Variants in ATRX observed in about 807,000 individuals in gnomAD.
The protein encoded by ATRX is ATRX chromatin remodeler.
Under a neutral mutation model 172.6 loss-of-function variants are expected in ATRX, and 12 were observed. That is an observed-to-expected ratio of 0.07 (90% CI 0.04 to 0.11). The LOEUF is 0.11. Ranked by LOEUF, ATRX falls within the 10% of genes least tolerant of loss-of-function variation. ATRX has a pLI of 1.00. For missense variants in ATRX, 1,368 were observed against 1,767.4 expected (o/e 0.77, Z 4.05); for synonymous variants, 674 against 594.7 (o/e 1.13, Z -1.94).
chrX:77,697,174 T>C (rs1250624780), intron 4 of ATRX, among the ~76,000 whole-genome samples: 1 of 111,748 alleles, frequency 8.9e-6, no homozygotes, highest in Non-Finnish European at 1.9e-5. Flanking sequence ...TTTACCACTC[T>C]TTTTTCTCCT....
chrX:77,641,299 C>T (rs1048788764), intron 15 of ATRX, among the ~76,000 whole-genome samples: 3 of 110,484 alleles, frequency 2.7e-5, no homozygotes, highest in Admixed American at 9.6e-5. Flanking sequence ...CCAAATAGGC[C>T]GGGTGTGGTG....
At chrX:77,741,037 TACACACACACACAC>T (rs111437851) in intron 1 of ATRX, among the ~76,000 whole-genome samples, 1 of 99,229 alleles carries the variant, frequency 1.0e-5, no homozygotes, top group African/African-American at 3.6e-5. Flanking sequence ...ACCCTGTCTC[TACACACACACACAC>T]ACACACACAC....
chrX:77,572,093 CTGTT>C (rs1423801472), intron 28 of ATRX, among the ~76,000 whole-genome samples: 3 of 110,635 alleles, frequency 2.7e-5, no homozygotes, highest in Non-Finnish European at 5.7e-5. Context: ...GTTTCATTTT[CTGTT>C]TGTTTGTGCA....
At chrX:77,677,699 A>G (rs2070964590) in intron 9 of ATRX, among the ~76,000 whole-genome samples, 1 of 106,821 alleles carries the variant, frequency 9.4e-6, no homozygotes, top group African/African-American at 3.4e-5. Context: ...CTGTGGATTT[A>G]TAATTATGCA....
intron 1 of ATRX, among the ~76,000 whole-genome samples, chrX:77,772,532 A>C (rs2076192178): frequency 9.7e-6 from 1 of 102,960 alleles, no homozygotes; most frequent in Non-Finnish European, 2.0e-5. Flanking sequence ...GCTGGCGGGC[A>C]GTGGCGCCAT....
chrX:77,555,075 T>C (rs782784232), intron 30 of ATRX, among the ~76,000 whole-genome samples: 6 of 111,968 alleles, frequency 5.4e-5, no homozygotes, highest in Non-Finnish European at 1.1e-4. Flanking sequence ...CCTCTGTACT[T>C]GCTTAGCCAC....
intron 1 of ATRX, among the ~76,000 whole-genome samples, chrX:77,761,142 A>C (rs1443289840): frequency 8.9e-6 from 1 of 112,193 alleles, no homozygotes; most frequent in Non-Finnish European, 1.9e-5. Context: ...TAGAACACCA[A>C]GATCAAAGTA....
At chrX:77,590,051 T>A (rs1351586329) in intron 26 of ATRX, 111 bp from the exon 27 acceptor site, 1 of 672,612 alleles carries the variant, frequency 1.5e-6, no homozygotes. Context: ...CCCAGCAGGA[T>A]TTTTTTGTAG....
chrX:77,686,465 C>T (rs1287317373), intron 7 of ATRX, among the ~76,000 whole-genome samples: 1 of 112,250 alleles, frequency 8.9e-6, no homozygotes, highest in Admixed American at 9.4e-5. Flanking sequence ...CCTATAATCC[C>T]AGCACTCTGG....
intron 10 of ATRX, among the ~76,000 whole-genome samples, chrX:77,669,617 C>G (rs2070447350): frequency 9.0e-6 from 1 of 111,339 alleles, no homozygotes; most frequent in African/African-American, 3.3e-5. Flanking sequence ...AGCCACCGCG[C>G]TGACCCCCAT....
intron 34 of ATRX, among the ~76,000 whole-genome samples, chrX:77,513,316 CAAAAAAAAAA>C (rs1217104194): frequency 3.9e-5 from 1 of 25,654 alleles, no homozygotes; most frequent in East Asian, 1.5e-3. Context: ...GACTCCGTCT[CAAAAAAAAAA>C]AAAAAAAAAA....
intron 19 of ATRX, among the ~76,000 whole-genome samples, chrX:77,632,883 G>C (rs781850836): frequency 2.4e-4 from 27 of 111,841 alleles, no homozygotes; most frequent in Non-Finnish European, 3.2e-4. Flanking sequence ...GATATGGAGA[G>C]AGCTCTTGTT....
intron 30 of ATRX, among the ~76,000 whole-genome samples, chrX:77,531,859 A>G (rs782465517): frequency 8.9e-6 from 1 of 111,971 alleles, no homozygotes; most frequent in East Asian, 2.8e-4. Context: ...TTTGCAGATG[A>G]CATGTCCCTA....
chrX:77,602,082 C>T (rs1169353636), intron 22 of ATRX, among the ~76,000 whole-genome samples: 1 of 111,948 alleles, frequency 8.9e-6, no homozygotes, highest in African/African-American at 3.2e-5. Flanking sequence ...TAGCTTACTG[C>T]AACCTCGAAC....
chrX:77,716,320 AAAAATAT>A (rs1302469374), intron 2 of ATRX, among the ~76,000 whole-genome samples: 2 of 57,417 alleles, frequency 3.5e-5, no homozygotes, highest in East Asian at 5.3e-4. Flanking sequence ...AAAAAAAAAA[AAAAATAT>A]ATATATATAT....
chrX:77,532,650 G>A (rs782545774), intron 30 of ATRX, among the ~76,000 whole-genome samples: 2 of 111,684 alleles, frequency 1.8e-5, no homozygotes, highest in South Asian at 7.5e-4. Flanking sequence ...ACTCAAGATG[G>A]ATTACAGACT....
chrX:77,555,236 A>T, intron 30 of ATRX, among the ~76,000 whole-genome samples: 1 of 112,005 alleles, frequency 8.9e-6, no homozygotes, highest in East Asian at 2.8e-4. Flanking sequence ...ATGTGGAGAA[A>T]TAGGAACGCT....
chrX:77,699,003 G>A, intron 2 of ATRX: 1 of 165,316 alleles, frequency 6.0e-6, no homozygotes, highest in Non-Finnish European at 1.1e-5. Flanking sequence ...GAAAATAAGA[G>A]CAAACTAAAC....
At position 77,732,156 on chromosome X, in the gene ATRX, G is replaced by A. The variant is rs189071642; in HGVS notation, c.21-14913C>T. Reference sequence around the variant, plus strand: ...TGTGCACAGGCCTGCTCCTGCTGGTGCTCAGAACAGCTGGGTCCCACACTC... The same window carrying A: ...TGTGCACAGGCCTGCTCCTGCTGGTACTCAGAACAGCTGGGTCCCACACTC... On this transcript the variant is annotated intron_variant, in intron 1 of 34. Coordinates refer to ENST00000373344, the MANE Select transcript of ATRX (RefSeq NM_000489.6). Among the ~76,000 whole-genome samples, 17 of 111,629 alleles carry A rather than the reference G, an allele frequency of 1.5e-4. No homozygotes were observed. In the East Asian group the frequency reaches 4.0e-3, roughly 26 times the overall value.
Sources: gnomAD v4.1 joint callset for allele counts (sites outside exome capture counted in the v4.1 genomes callset) on GRCh38, gnomAD v4.1.1 for gene constraint, MANE v1.5 for transcripts, NCBI Gene and HGNC (gene_info 2026-07-23, HGNC 2026-07-21) for gene names.